MYCBP: variants seen among roughly 807,000 people sequenced by gnomAD.
MYCBP encodes MYC binding protein.
A neutral mutation model predicts 16.8 loss-of-function variants in MYCBP; 5 were observed. The observed-to-expected ratio is 0.30, with a 90% CI of 0.16 to 0.63. The LOEUF (loss-of-function observed/expected upper bound fraction) is 0.63. MYCBP is among the 20% of genes least tolerant of loss of function. The pLI is 0.83. For missense variants in MYCBP, 103 were observed against 121.8 expected (o/e 0.85, Z 0.73); for synonymous variants, 35 against 43.7 (o/e 0.80, Z 0.79).
At position 38,863,517 on chromosome 1, in the gene MYCBP, C is replaced by T. The variant is rs1206518794; in HGVS notation, c.*1153G>A. 1 of 152,570 alleles carries T rather than the reference C, an allele frequency of 6.6e-6. No homozygotes were observed. The highest frequency in any genetic ancestry group is 2.4e-5 in the African/African-American group (1 of 41,460). 9.5% of individuals were successfully genotyped at this position (152,570 alleles called of 1,614,324 possible). A position where few individuals can be genotyped will look rare whatever the true frequency, so the allele number is the denominator to read the frequency against. On this transcript the variant is annotated 3_prime_UTR_variant, in exon 5 of 5. Coordinates refer to ENST00000397572, the MANE Select transcript of MYCBP (RefSeq NM_012333.5). ...TAACAAACAAGAATATAGTGCTTTA[C>T]CATTTACAAATCTTTCACATACATT...
chr1:38,866,044 C>CTTTTTTTTT (rs71057153), intron 4 of MYCBP, among the ~76,000 whole-genome samples: 5,103 of 65,544 alleles, frequency 0.078, 1,120 homozygotes, highest in African/African-American at 0.18. Flanking sequence ...CTAAGAACCT[C>CTTTTTTTTT]TTTTTTTTTT....
At chr1:38,873,246 C>T (rs1642506711) in intron 1 of MYCBP, 45 bp downstream of exon 1, 4 of 1,596,700 alleles carry the variant, frequency 2.5e-6, no homozygotes, top group Non-Finnish European at 3.4e-6. Flanking sequence ...CGACCAGCGG[C>T]TTGCTACCGC....
chr1:38,866,938 G>A lies in MYCBP; in HGVS notation c.209C>T (p.Ala70Val). 1 of 1,597,048 alleles carries A rather than the reference G, an allele frequency of 6.3e-7. No homozygotes were observed. The highest frequency in any genetic ancestry group is 8.5e-7 in the Non-Finnish European group (1 of 1,173,646). Residue 70 changes from alanine to valine, a missense_variant, in exon 4 of 5, where the codon GCC (alanine) becomes GTC (valine). Physicochemically the swap from Ala to Val is moderately conservative, Grantham distance 64. Transcript: ENST00000397572. ...AGCTTCATACTTCTCTTTCATTTCG[G>A]CCAGTTCTAGGCGAAGCAGCTCTAT... ...PEIELLRLEL[A>V]EMKEKYEAIV...
rs940089086 is a variant in MYCBP at position 38,873,105 on chromosome 1, G to C, written c.16-15C>G. On this transcript the variant is annotated splice_polypyrimidine_tract_variant and intron_variant, in intron 1 of 4. Coordinates refer to ENST00000397572, the MANE Select transcript of MYCBP (RefSeq NM_012333.5). ...GAGTCGGCGGCCTGAAGAGACACCG[G>C]GGGTCAGTGGCCAGAGCCCGGGAGC... is the stretch of plus-strand genomic sequence containing the variant. The C allele has an allele frequency of 1.3e-6, 2 of 1,556,808 alleles. No homozygotes were observed. The highest frequency in any genetic ancestry group is 2.4e-5 in the South Asian group (2 of 84,710).
rs773119130 is a variant in MYCBP, at chr1:38,864,004, T to C, written c.*666A>G. On this transcript the variant is annotated 3_prime_UTR_variant, in exon 5 of 5. Transcript: ENST00000397572. ...AGGGTAACTGCTATTATTAGGCAAA[T>C]TGAAAAACAGCACAGAAAGGCCAGT... The C allele has an allele frequency of 3.4e-4, 52 of 152,684 alleles. No homozygotes were observed. The highest frequency in any genetic ancestry group is 5.9e-4 in the Non-Finnish European group (40 of 68,204). The allele number at this position is 152,684 out of a possible 1,614,324, so 9.5% of individuals were successfully genotyped here.
At chr1:38,864,748 T>C (rs1642303209) in intron 4 of MYCBP, 34 bp from the exon 5 acceptor site, 1 of 1,601,290 alleles carries the variant, frequency 6.2e-7, no homozygotes. Flanking sequence ...TTAGGTGAAT[T>C]TTATTCTAAA....
chr1:38,864,602 T>G lies in MYCBP; in HGVS notation c.*68A>C, dbSNP rs763241718. 2.0e-6 allele frequency: 3 copies of G among 1,481,014 alleles called. No homozygotes were observed. Among genetic ancestry groups the G allele is most frequent in the Non-Finnish European group, 2.8e-6 (3 of 1,059,860 alleles). The allele number at this position is 1,481,014 out of a possible 1,614,324, so 91.7% of individuals were successfully genotyped here. A position where few individuals can be genotyped will look rare whatever the true frequency, so the allele number is the denominator to read the frequency against. ...TCTATAGCATCTGTTCAGAAAAGATTATATACTATACAAACTATTCAAGTC... is the reference window on the plus strand; with the variant it reads ...TCTATAGCATCTGTTCAGAAAAGATGATATACTATACAAACTATTCAAGTC... On this transcript the variant is annotated 3_prime_UTR_variant, in exon 5 of 5. Coordinates refer to ENST00000397572, the MANE Select transcript of MYCBP (RefSeq NM_012333.5).
chr1:38,870,904 G>C (rs1468049343), intron 2 of MYCBP, among the ~76,000 whole-genome samples: 1 of 150,704 alleles, frequency 6.6e-6, no homozygotes, highest in African/African-American at 2.4e-5. Context: ...ATACTGTGTT[G>C]GCTGATGTTA....
chr1:38,864,526 C>G lies in MYCBP; in HGVS notation c.*144G>C, dbSNP rs539876533. On this transcript the variant is annotated 3_prime_UTR_variant, in exon 5 of 5. Transcript: ENST00000397572. ...TTATATTGAGTTTTTATTGATGATT[C>G]TATGTGTTTTTAACAGAGTGTGATA... 3.6e-6 allele frequency: 3 copies of G among 828,178 alleles called. No homozygotes were observed. The East Asian group carries it at 8.2e-5, about 23-fold the overall frequency. 51.3% of individuals were successfully genotyped at this position (828,178 alleles called of 1,614,324 possible).
chr1:38,865,700 G>A (rs964032566), intron 4 of MYCBP, among the ~76,000 whole-genome samples: 5 of 152,134 alleles, frequency 3.3e-5, no homozygotes, highest in Non-Finnish European at 4.4e-5. Flanking sequence ...TACTCAGGAG[G>A]CAGAGGTGGG....
rs1302954692 is a variant in MYCBP, at chr1:38,870,122, A to G, written c.89-2512T>C. Among the ~76,000 whole-genome samples, 3 of 147,204 alleles carry G rather than the reference A, an allele frequency of 2.0e-5. No homozygotes were observed. The Admixed American group carries it at 2.1e-4, about 10-fold the overall frequency. On this transcript the variant is annotated intron_variant, in intron 2 of 4. Coordinates refer to ENST00000397572, the MANE Select transcript of MYCBP (RefSeq NM_012333.5). ...GAGGCGGAGCTTGCAGTGAGCAGAG[A>G]TCGCACCACTGCACTCCAGCCTGGG... is the stretch of plus-strand genomic sequence containing the variant.
chr1:38,873,115 G>A lies in MYCBP; in HGVS notation c.16-25C>T, dbSNP rs770739957. The A allele has an allele frequency of 1.9e-6, 3 of 1,555,186 alleles. No homozygotes were observed. In the South Asian group the frequency reaches 3.5e-5, roughly 18 times the overall value. The stretch of plus-strand genomic sequence containing the variant: ...CCTGAAGAGACACCGGGGGTCAGTG[G>A]CCAGAGCCCGGGAGCCGAGCAGGAA... On this transcript the variant is annotated intron_variant, in intron 1 of 4. Coordinates refer to ENST00000397572, the MANE Select transcript of MYCBP (RefSeq NM_012333.5).
In MYCBP at chr1:38,863,129, A is replaced by G. The variant is rs1162370837; in HGVS notation, c.*1541T>C. ...CATGTAGGAGGCACTCAAATTGGTA[A>G]AAGAGAAATCTATGCAAGGGAATGA... On this transcript the variant is annotated 3_prime_UTR_variant, in exon 5 of 5. Transcript: ENST00000397572. 6.6e-6 allele frequency: 1 copy of G among 152,228 alleles called. No individual in the cohort carries two copies. Among genetic ancestry groups the G allele is most frequent in the Non-Finnish European group, 1.5e-5 (1 of 68,048 alleles). The allele number at this position is 152,228 out of a possible 1,614,324, so 9.4% of individuals were successfully genotyped here. A position where few individuals can be genotyped will look rare whatever the true frequency, so the allele number is the denominator to read the frequency against.
rs1642295581 is a variant in MYCBP at position 38,864,402 on chromosome 1, A to T, written c.*268T>A. On this transcript the variant is annotated 3_prime_UTR_variant, in exon 5 of 5. Coordinates refer to ENST00000397572, the MANE Select transcript of MYCBP (RefSeq NM_012333.5). ...CAGTGCCATCATTCCTAATCAGACT[A>T]ATAAACAGAATGTCTTTTAAGGTAA... The T allele has an allele frequency of 8.3e-6, 4 of 481,970 alleles. No homozygotes were observed. The highest frequency in any genetic ancestry group is 1.1e-5 in the Non-Finnish European group (3 of 264,968). 29.9% of individuals were successfully genotyped at this position (481,970 alleles called of 1,614,324 possible).
At chr1:38,870,447 C>T (rs1487474810) in intron 2 of MYCBP, among the ~76,000 whole-genome samples, 1 of 151,954 alleles carries the variant, frequency 6.6e-6, no homozygotes, top group Admixed American at 6.6e-5. Context: ...CACTTGAGGC[C>T]AGGCATTCCT....
chr1:38,864,528 A>G lies in MYCBP; in HGVS notation c.*142T>C, dbSNP rs1642297581. ...ATATTGAGTTTTTATTGATGATTCTATGTGTTTTTAACAGAGTGTGATAGG... is the reference window on the plus strand; with the variant it reads ...ATATTGAGTTTTTATTGATGATTCTGTGTGTTTTTAACAGAGTGTGATAGG... On this transcript the variant is annotated 3_prime_UTR_variant, in exon 5 of 5. Coordinates refer to ENST00000397572, the MANE Select transcript of MYCBP (RefSeq NM_012333.5). The G allele has an allele frequency of 1.2e-6, 1 of 831,136 alleles. No individual in the cohort carries two copies. The highest frequency in any genetic ancestry group is 1.7e-5 in the African/African-American group (1 of 58,000). 51.5% of individuals were successfully genotyped at this position (831,136 alleles called of 1,614,324 possible).
intron 3 of MYCBP, 56 bp from the exon 4 acceptor site, chr1:38,867,065 C>T: frequency 1.3e-6 from 2 of 1,497,298 alleles, no homozygotes; most frequent in Non-Finnish European, 9.2e-7. Flanking sequence ...AATGAAATAG[C>T]ACAGAGTAGT....
chr1:38,872,581 T>G, intron 2 of MYCBP: 1 of 172,878 alleles, frequency 5.8e-6, no homozygotes, highest in Non-Finnish European at 1.2e-5. Context: ...ACTTTGGGGA[T>G]TAGGCTCACT....
intron 2 of MYCBP, among the ~76,000 whole-genome samples, chr1:38,868,679 G>A (rs1371122318): frequency 1.3e-5 from 2 of 152,176 alleles, no homozygotes; most frequent in African/African-American, 2.4e-5. Context: ...GCCAAGGCGG[G>A]CAGATCACGA....
Sources: gnomAD v4.1 joint callset for allele counts (sites outside exome capture counted in the v4.1 genomes callset) on GRCh38, gnomAD v4.1.1 for gene constraint, MANE v1.5 for transcripts, NCBI Gene and HGNC (gene_info 2026-07-23, HGNC 2026-07-21) for gene names.